The following FAT2 variants were observed in gnomAD, a reference collection of about 807,000 sequenced individuals.
FAT2 encodes the protein protocadherin Fat 2.
FAT2 carries 150 observed loss-of-function variants against 295.3 expected under a neutral mutation model. The ratio of observed to expected loss-of-function variants is 0.51; its 90% CI spans 0.44 to 0.58. The LOEUF is 0.58. Among genes scored for constraint, FAT2 ranks in the 20% least tolerant of loss-of-function variants. The probability of loss-of-function intolerance (pLI) is 0.00; values close to 1 mark genes in which losing one functional copy is unlikely to be tolerated. For synonymous variants in FAT2, 2,026 were observed against 2,150.3 expected (o/e 0.94, Z 1.60); for missense variants, 4,868 against 5,442.7 (o/e 0.89, Z 3.32).
chr5:151,587,213 AGG>A (rs1759213813), intron 1 of FAT2, among the ~76,000 whole-genome samples: 1 of 152,118 alleles, frequency 6.6e-6, no homozygotes, highest in Non-Finnish European at 1.5e-5. Context: ...GCTGAGTGAT[AGG>A]GCTTCTTTGC....
chr5:151,549,443 A>C lies in FAT2; in HGVS notation c.4641T>G (p.Asp1547Glu), dbSNP rs201056135. 5.6e-6 allele frequency: 9 copies of C among 1,614,018 alleles called. No homozygotes were observed. Among genetic ancestry groups the C allele is most frequent in the African/African-American group, 2.7e-5 (2 of 74,904 alleles). ...TGAAGCGGGGTGGGTGGAGGTTTCC[A>C]TCCTCCACATGAATGGTCACCCACA... ...NFVWVTIHVE[D>E]GNLHPPRFTQ... is the part of the protein sequence containing the mutation. Residue 1547 changes from aspartate (D) to glutamate (E), a missense_variant, in exon 9 of 24, where the codon GAT becomes GAG. Asp to Glu is a conservative substitution (Grantham distance 45). Around this residue, in one of 5 missense-constraint regions of FAT2, gnomAD observed 3,297 missense variants for 3,669.4 expected, o/e 0.90. Coordinates refer to ENST00000261800, the MANE Select transcript of FAT2 (RefSeq NM_001447.3).
Position 151,545,778 on chromosome 5 carries a change from G to C in FAT2, c.5349C>G (p.Asn1783Lys). The change falls in exon 10 of 24, where the codon AAC becomes AAG. Residue 1783 changes from asparagine (N) to lysine (K), a missense_variant. By Grantham distance (94) the Asn-to-Lys change is moderately conservative. This residue lies in a region of FAT2 where 3,297 missense variants were observed against 3,669.4 expected (regional missense o/e 0.90). Transcript: ENST00000261800. ...LYSMIMDKNNNPFVIHASDSD... is the reference protein window; with the variant it reads ...LYSMIMDKNNKPFVIHASDSD... Reference sequence around the variant, plus strand: ...TGTCAGAGGCATGAATCACAAAGGGGTTGTTGTTTTTATCCATGATCATGC... The same window carrying C: ...TGTCAGAGGCATGAATCACAAAGGGCTTGTTGTTTTTATCCATGATCATGC... 1 of 1,614,164 alleles carries C rather than the reference G, an allele frequency of 6.2e-7. No homozygotes were observed. Among genetic ancestry groups the C allele is most frequent in the South Asian group, 1.1e-5 (1 of 91,062 alleles).
chr5:151,511,211 G>T (rs911611010), intron 21 of FAT2: 1 of 152,212 alleles, frequency 6.6e-6, no homozygotes, highest in African/African-American at 2.4e-5. Flanking sequence ...AGGTAGAAAT[G>T]ACATGATTAG....
chr5:151,516,949 A>G (rs1289997316), intron 20 of FAT2, among the ~76,000 whole-genome samples: 1 of 152,102 alleles, frequency 6.6e-6, no homozygotes, highest in Non-Finnish European at 1.5e-5. Context: ...CTACTTAAAA[A>G]ATACAAAAAA....
At chr5:151,571,118 G>A (rs1317317951) in intron 1 of FAT2, among the ~76,000 whole-genome samples, 1 of 152,084 alleles carries the variant, frequency 6.6e-6, no homozygotes, top group African/African-American at 2.4e-5. Flanking sequence ...AGAAAGAGCT[G>A]CTGTACGTTT....
intron 15 of FAT2, 75 bp from the exon 16 acceptor site, chr5:151,528,208 T>C (rs748033199): frequency 6.4e-7 from 1 of 1,559,330 alleles, no homozygotes; most frequent in Non-Finnish European, 8.7e-7. Flanking sequence ...GAAACAGATA[T>C]GTCCCTGCCC....
At chr5:151,533,961 A>C (rs1371659441) in intron 13 of FAT2, among the ~76,000 whole-genome samples, 1 of 152,160 alleles carries the variant, frequency 6.6e-6, no homozygotes, top group Non-Finnish European at 1.5e-5. Context: ...TAAAATGTAA[A>C]ATATTGAAAA....
intron 10 of FAT2, 131 bp downstream of exon 10, chr5:151,542,154 G>C (rs1166462285): frequency 1.6e-5 from 12 of 773,992 alleles, no homozygotes; most frequent in African/African-American, 3.4e-5. Flanking sequence ...GAGGTCCTAG[G>C]GGGTTAAGTG....
At chr5:151,588,442 G>A (rs573686344) in intron 1 of FAT2, among the ~76,000 whole-genome samples, 9 of 152,300 alleles carry the variant, frequency 5.9e-5, no homozygotes, top group East Asian at 1.9e-4. Context: ...AGGCCTCACC[G>A]TTACCAACTG....
chr5:151,546,477 G>A, intron 9 of FAT2, 140 bp from the exon 10 acceptor site: 1 of 602,490 alleles, frequency 1.7e-6, no homozygotes, highest in Non-Finnish European at 2.9e-6. Context: ...CCTGGATATA[G>A]TGTATAGAGT....
At chr5:151,548,887 G>T (rs1436508761) in intron 9 of FAT2, among the ~76,000 whole-genome samples, 2 of 152,180 alleles carry the variant, frequency 1.3e-5, no homozygotes, top group African/African-American at 4.8e-5. Flanking sequence ...CCATAAAATA[G>T]ATACTAAATC....
In FAT2 at chr5:151,543,132, A is replaced by T. The variant is rs780742867; in HGVS notation, c.7995T>A (p.Asp2665Glu). The change falls in exon 10 of 24, where the codon GAT becomes GAA. Residue 2665 changes from aspartate to glutamate, a missense_variant. Physicochemically the swap from Asp to Glu is conservative, Grantham distance 45. Coordinates refer to ENST00000261800, the MANE Select transcript of FAT2 (RefSeq NM_001447.3). The part of the protein sequence containing the change: ...QTLDFFIKAQ[D>E]GGPPHWNSLV... ...GAGAGTTCCAGTGAGGAGGGCCTCCATCTTGGGCTTTGATGAAGAAGTCAA... is the reference window on the plus strand; with the variant it reads ...GAGAGTTCCAGTGAGGAGGGCCTCCTTCTTGGGCTTTGATGAAGAAGTCAA... 1.2e-6 allele frequency: 2 copies of T among 1,614,186 alleles called. No homozygotes were observed. The highest frequency in any genetic ancestry group is 1.7e-6 in the Non-Finnish European group (2 of 1,180,036).
intron 3 of FAT2, among the ~76,000 whole-genome samples, chr5:151,558,848 T>C (rs916002743): frequency 6.6e-6 from 1 of 152,188 alleles, no homozygotes; most frequent in Non-Finnish European, 1.5e-5. Flanking sequence ...GCTAGCTCTC[T>C]GCAAGATTCA....
At chr5:151,584,163 G>A (rs1759077279) in intron 1 of FAT2, among the ~76,000 whole-genome samples, 1 of 152,002 alleles carries the variant, frequency 6.6e-6, no homozygotes, top group Non-Finnish European at 1.5e-5. Context: ...TCCTGCCCTA[G>A]GAACCAGGAA....
chr5:151,559,461 G>A (rs115490302), intron 3 of FAT2, among the ~76,000 whole-genome samples: 176 of 152,208 alleles, frequency 1.2e-3, no homozygotes, highest in African/African-American at 4.1e-3. Flanking sequence ...CCCAGGAAGA[G>A]CACAAGGACT....
At chr5:151,572,880 C>T (rs764823385) in intron 1 of FAT2, among the ~76,000 whole-genome samples, 22 of 152,184 alleles carry the variant, frequency 1.4e-4, no homozygotes, top group Non-Finnish European at 3.1e-4. Flanking sequence ...CGGGAAGCTG[C>T]GAGCAGGCAC....
chr5:151,579,076 G>T (rs1758848548), intron 1 of FAT2, among the ~76,000 whole-genome samples: 1 of 152,280 alleles, frequency 6.6e-6, no homozygotes, highest in East Asian at 1.9e-4. Context: ...CAGGAACACA[G>T]GGCTTGGGGT....
chr5:151,530,258 A>C (rs1258073859), intron 14 of FAT2, among the ~76,000 whole-genome samples: 2 of 152,102 alleles, frequency 1.3e-5, no homozygotes, highest in African/African-American at 4.8e-5. Flanking sequence ...CCAGAAAAAA[A>C]AAAAAAAGCC....
Position 151,543,113 on chromosome 5 carries a change from T to TC in FAT2, c.8013dup (p.Asn2672GlufsTer13), listed in dbSNP as rs751443905. 1 of 1,614,130 alleles carries TC rather than the reference T, an allele frequency of 6.2e-7. No individual in the cohort carries two copies. The highest frequency in any genetic ancestry group is 8.5e-7 in the Non-Finnish European group (1 of 1,180,006). ...TGAAGTCGTACTGGCACCAGAGAGTTCCAGTGAGGAGGGCCTCCATCTTGG... is the reference window on the plus strand; with the variant it reads ...TGAAGTCGTACTGGCACCAGAGAGTTCCCAGTGAGGAGGGCCTCCATCTTGG... On this transcript the variant is annotated frameshift_variant, in exon 10 of 24. Transcript: ENST00000261800. LOFTEE classifies it high-confidence loss of function.
Sources: allele counts gnomAD v4.1 joint callset (sites outside exome capture counted in the v4.1 genomes callset), GRCh38; gene constraint gnomAD v4.1.1; regional missense constraint gnomAD v4.1.1; transcripts MANE v1.5; gene names NCBI Gene and HGNC (gene_info 2026-07-23, HGNC 2026-07-21).